The following ZBTB16 variants were observed in gnomAD, a reference collection of about 807,000 sequenced individuals.
The protein encoded by ZBTB16 is zinc finger and BTB domain-containing protein 16.
A neutral mutation model predicts 56.8 loss-of-function variants in ZBTB16; 8 were observed. The observed-to-expected ratio is 0.14, with a 90% confidence interval of 0.08 to 0.25. The LOEUF (loss-of-function observed/expected upper bound fraction) is 0.25, where lower values mean the gene tolerates loss of function less well. Ranked by LOEUF, ZBTB16 falls within the 10% of genes least tolerant of loss-of-function variation. ZBTB16 has a pLI of 1.00. For synonymous variants in ZBTB16, 363 were observed against 368.5 expected (o/e 0.98, Z 0.17); for missense variants, 625 against 903.0 (o/e 0.69, Z 3.95).
At chr11:114,071,424 G>A (rs1055072156) in intron 2 of ZBTB16, among the ~76,000 whole-genome samples, 4 of 152,090 alleles carry the variant, frequency 2.6e-5, no homozygotes, top group African/African-American at 7.2e-5. Context: ...ACTATTGGAT[G>A]GAGCCGCTAA....
chr11:114,158,171 C>T (rs1591726833), intron 3 of ZBTB16, among the ~76,000 whole-genome samples: 1 of 152,300 alleles, frequency 6.6e-6, no homozygotes, highest in South Asian at 2.1e-4. Context: ...TAGCCCACCA[C>T]TGCCTTACTG....
chr11:114,162,203 G>T (rs1942608061), intron 3 of ZBTB16, among the ~76,000 whole-genome samples: 1 of 152,250 alleles, frequency 6.6e-6, no homozygotes, highest in Admixed American at 6.5e-5. Context: ...CTTCAGATTG[G>T]ATCTCTTAGG....
chr11:114,133,585 G>A (rs1002157186), intron 2 of ZBTB16, among the ~76,000 whole-genome samples: 1 of 152,208 alleles, frequency 6.6e-6, no homozygotes, highest in African/African-American at 2.4e-5. Context: ...GGGCTGGTAA[G>A]ATTTCCCTCT....
intron 4 of ZBTB16, chr11:114,210,560 G>C: frequency 4.3e-6 from 1 of 230,746 alleles, no homozygotes; most frequent in South Asian, 1.8e-4. Context: ...GATTAGTGTG[G>C]CCATATTTAA....
chr11:114,163,521 A>G (rs1942654254), intron 3 of ZBTB16, among the ~76,000 whole-genome samples: 1 of 152,010 alleles, frequency 6.6e-6, no homozygotes. Flanking sequence ...TAAATCCCCC[A>G]CGTAACTGCC....
chr11:114,240,127 C>T (rs1944672420), intron 4 of ZBTB16, among the ~76,000 whole-genome samples: 1 of 152,152 alleles, frequency 6.6e-6, no homozygotes, highest in African/African-American at 2.4e-5. Context: ...GCTCAGCCTT[C>T]CTGACTGCTG....
At chr11:114,233,075 GCGCGCGCACACACACACA>G (rs1214814637) in intron 4 of ZBTB16, among the ~76,000 whole-genome samples, 2 of 35,696 alleles carry the variant, frequency 5.6e-5, no homozygotes, top group Non-Finnish European at 1.2e-4. Flanking sequence ...ATGCGCGCGC[GCGCGCGCACACACACACA>G]CACACACACA....
At chr11:114,113,653 A>T (rs183697091) in intron 2 of ZBTB16, among the ~76,000 whole-genome samples, 1 of 152,324 alleles carries the variant, frequency 6.6e-6, no homozygotes, top group African/African-American at 2.4e-5. Flanking sequence ...GGGATTTAGA[A>T]AATTTGTTCA....
intron 4 of ZBTB16, among the ~76,000 whole-genome samples, chr11:114,199,287 G>A (rs1412251745): frequency 2.0e-5 from 3 of 151,640 alleles, no homozygotes; most frequent in Non-Finnish European, 4.4e-5. Flanking sequence ...CAGGGACGGG[G>A]ATGCCGGACA....
At chr11:114,093,817 A>G (rs542209712) in intron 2 of ZBTB16, among the ~76,000 whole-genome samples, 8 of 152,194 alleles carry the variant, frequency 5.3e-5, no homozygotes, top group Non-Finnish European at 1.2e-4. Context: ...TCCATTTTCT[A>G]GATAGTTTCT....
intron 4 of ZBTB16, among the ~76,000 whole-genome samples, chr11:114,223,408 A>G (rs1944274769): frequency 6.6e-6 from 1 of 152,176 alleles, no homozygotes; most frequent in Non-Finnish European, 1.5e-5. Context: ...GTGGCTTGAG[A>G]GAGGAGAGTA....
intron 2 of ZBTB16, among the ~76,000 whole-genome samples, chr11:114,104,951 C>T (rs1940736000): frequency 6.6e-6 from 1 of 152,144 alleles, no homozygotes; most frequent in Non-Finnish European, 1.5e-5. Flanking sequence ...GTTGTTACCA[C>T]ACAGGCCGTG....
chr11:114,204,100 G>GT (rs1943797227), intron 4 of ZBTB16, among the ~76,000 whole-genome samples: 1 of 151,944 alleles, frequency 6.6e-6, no homozygotes. Context: ...TTCAGTGTGG[G>GT]GAAATTAGAA....
intron 3 of ZBTB16, among the ~76,000 whole-genome samples, chr11:114,160,770 AAACT>A (rs1410896305): frequency 5.9e-5 from 9 of 152,348 alleles, no homozygotes; most frequent in African/African-American, 1.9e-4. Flanking sequence ...CAATAAGTTT[AAACT>A]AACTATCAAT....
chr11:114,164,117 A>G (rs1942675982), intron 3 of ZBTB16, among the ~76,000 whole-genome samples: 1 of 152,200 alleles, frequency 6.6e-6, no homozygotes, highest in South Asian at 2.1e-4. Flanking sequence ...TGGGCTGTAC[A>G]GTACACTGTG....
intron 2 of ZBTB16, among the ~76,000 whole-genome samples, chr11:114,152,085 G>A (rs55654566): frequency 0.019 from 2,953 of 152,298 alleles, 54 homozygotes; most frequent in South Asian, 0.044. Context: ...GTTTTGAATT[G>A]GAGGCTGTCT....
chr11:114,080,300 G>A (rs961132636), intron 2 of ZBTB16, among the ~76,000 whole-genome samples: 2 of 152,120 alleles, frequency 1.3e-5, no homozygotes, highest in African/African-American at 4.8e-5. Flanking sequence ...AGGAATGTTT[G>A]CTTTTCCTCT....
chr11:114,250,215 G>T lies in ZBTB16; in HGVS notation c.1793-111G>T. On this transcript the variant is annotated intron_variant, in intron 6 of 6. Coordinates refer to ENST00000335953, the MANE Select transcript of ZBTB16 (RefSeq NM_006006.6). This position sits in a 1 kb window ranked among gnomAD's most constrained non-coding sequence, Gnocchi z 6.0. ...CATTGTCCCAGAAAGTTCTGTTGGA[G>T]CAAGCCCAGCTGGAGGAACCCAGCT... 2.4e-6 allele frequency: 3 copies of T among 1,239,382 alleles called. No homozygotes were observed. The highest frequency in any genetic ancestry group is 3.5e-6 in the Non-Finnish European group (3 of 858,264). 76.8% of individuals were successfully genotyped at this position (1,239,382 alleles called of 1,614,324 possible).
chr11:114,080,038 T>C (rs1939705539), intron 2 of ZBTB16, among the ~76,000 whole-genome samples: 1 of 152,184 alleles, frequency 6.6e-6, no homozygotes, highest in Non-Finnish European at 1.5e-5. Flanking sequence ...ACCAGGACTG[T>C]CACTGTTAGA....
Sources: allele counts gnomAD v4.1 joint callset (sites outside exome capture counted in the v4.1 genomes callset), GRCh38; gene constraint gnomAD v4.1.1; non-coding constraint Gnocchi (gnomAD v3.1); transcripts MANE v1.5; gene names NCBI Gene and HGNC (gene_info 2026-07-23, HGNC 2026-07-21).